PCTP: variants seen among roughly 807,000 people sequenced by gnomAD.
The protein encoded by PCTP is phosphatidylcholine transfer protein.
A neutral mutation model predicts 31.0 loss-of-function variants in PCTP; 27 were observed. The ratio of observed to expected loss-of-function variants is 0.87; its 90% CI spans 0.64 to 1.20. PCTP has a LOEUF of 1.20. PCTP is among the 50% of genes most tolerant of loss of function. The pLI is 0.00. For synonymous variants in PCTP, 108 were observed against 101.2 expected (o/e 1.07, Z -0.40); for missense variants, 287 against 268.2 (o/e 1.07, Z -0.49).
Position 55,776,843 on chromosome 17 carries a change from C to T in PCTP, c.*743C>T. 9.9e-7 allele frequency: 1 copy of T among 1,008,440 alleles called. No homozygotes were observed. The highest frequency in any genetic ancestry group is 4.7e-5 in the South Asian group (1 of 21,454). The allele number at this position is 1,008,440 out of a possible 1,614,324, so 62.5% of individuals were successfully genotyped here. The stretch of plus-strand genomic sequence containing the variant: ...GATGATTTCTCTTTTCCATATGTCA[C>T]TGGGGGAAAGGCTGCCTGTACCTCT... On this transcript the variant is annotated 3_prime_UTR_variant, in exon 6 of 6. Coordinates refer to ENST00000268896, the MANE Select transcript of PCTP (RefSeq NM_021213.4).
At chr17:55,802,085 C>T (rs1912403454) in intron 3 of PCTP, among the ~76,000 whole-genome samples, 1 of 152,210 alleles carries the variant, frequency 6.6e-6, no homozygotes, top group African/African-American at 2.4e-5. Context: ...ATACTATAAA[C>T]ACCTCTACAC....
At chr17:55,848,402 A>G in the PCTP span, among the ~76,000 whole-genome samples, 2 of 152,184 alleles carry the variant, frequency 1.3e-5, no homozygotes, top group South Asian at 4.1e-4. Flanking sequence ...GAGGAGGGTA[A>G]TTGGTTGGGT....
At chr17:55,787,992 ACTCT>A (rs1911813813) in intron 3 of PCTP, among the ~76,000 whole-genome samples, 1 of 151,678 alleles carries the variant, frequency 6.6e-6, no homozygotes, top group Admixed American at 6.6e-5. Context: ...TACTGCTTGT[ACTCT>A]CTCTCTATTT....
At chr17:55,842,552 C>A (rs1906016988) in intron 5 of PCTP, 2 of 152,120 alleles carry the variant, frequency 1.3e-5, no homozygotes, top group Admixed American at 6.5e-5. Context: ...AGATCAAGAC[C>A]AGATCTTGAT....
At chr17:55,777,902 C>A (rs548055007), downstream of PCTP, among the ~76,000 whole-genome samples, 5 of 152,182 alleles carry the variant, frequency 3.3e-5, no homozygotes, top group South Asian at 1.0e-3. Context: ...AAGTTGAAAT[C>A]TTATGAATAG....
chr17:55,756,870 G>C (rs1385173598), intron 1 of PCTP, among the ~76,000 whole-genome samples: 1 of 152,134 alleles, frequency 6.6e-6, no homozygotes, highest in Non-Finnish European at 1.5e-5. Context: ...CATTTTCCAG[G>C]AGGAGCCAGG....
At chr17:55,824,306 C>T (rs1183715612), downstream of PCTP, among the ~76,000 whole-genome samples, 1 of 151,838 alleles carries the variant, frequency 6.6e-6, no homozygotes, top group Non-Finnish European at 1.5e-5. Context: ...GTGTAGGTGC[C>T]ACTAACTAGA....
intron 3 of PCTP, among the ~76,000 whole-genome samples, chr17:55,804,692 G>A (rs1438445260): frequency 1.3e-5 from 2 of 151,942 alleles, no homozygotes; most frequent in East Asian, 3.9e-4. Flanking sequence ...GGAGAGGAAC[G>A]TCACACACTG....
At chr17:55,784,873 T>C (rs745966511) in intron 2 of PCTP, among the ~76,000 whole-genome samples, 1 of 152,236 alleles carries the variant, frequency 6.6e-6, no homozygotes, top group Non-Finnish European at 1.5e-5. Flanking sequence ...CCTCCTTGAC[T>C]TATTCCTCTC....
downstream of PCTP, among the ~76,000 whole-genome samples, chr17:55,845,887 G>GGTGT (rs34179575): frequency 0.061 from 8,746 of 142,966 alleles, 357 homozygotes; most frequent in East Asian, 0.16. Context: ...AGAGGGTTGG[G>GGTGT]GTGTGTGTGT....
At position 55,777,193 on chromosome 17, in the gene PCTP, T is replaced by G. The variant is rs1383583571; in HGVS notation, c.*1093T>G. On this transcript the variant is annotated 3_prime_UTR_variant, in exon 6 of 6. Coordinates refer to ENST00000268896, the MANE Select transcript of PCTP (RefSeq NM_021213.4). ...TATTTCTATGTCAAAGGCACAGCCTTGATGATCTCAGGGAAAAATTTTAAT... is the reference window on the plus strand; with the variant it reads ...TATTTCTATGTCAAAGGCACAGCCTGGATGATCTCAGGGAAAAATTTTAAT... The G allele has an allele frequency of 1.0e-6, 1 of 985,360 alleles. No homozygotes were observed. The highest frequency in any genetic ancestry group is 6.1e-5 in the Admixed American group (1 of 16,268). 61.0% of individuals were successfully genotyped at this position (985,360 alleles called of 1,614,324 possible). A position where few individuals can be genotyped will look rare whatever the true frequency, so the allele number is the denominator to read the frequency against.
chr17:55,805,708 C>T (rs1042149783), intron 3 of PCTP, among the ~76,000 whole-genome samples: 1 of 152,088 alleles, frequency 6.6e-6, no homozygotes, highest in Admixed American at 6.6e-5. Flanking sequence ...CAGATCTACA[C>T]AATACCATTT....
chr17:55,839,386 C>T (rs1460000996), intron 5 of PCTP, among the ~76,000 whole-genome samples: 1 of 152,200 alleles, frequency 6.6e-6, no homozygotes, highest in Non-Finnish European at 1.5e-5. Context: ...GGGGAGGCTT[C>T]TGCCCACCAA....
intron 5 of PCTP, among the ~76,000 whole-genome samples, chr17:55,829,802 G>A (rs1221981839): frequency 6.6e-6 from 1 of 152,016 alleles, no homozygotes; most frequent in Non-Finnish European, 1.5e-5. Flanking sequence ...GGTGGCTTGT[G>A]TTTCCATGTT....
At chr17:55,795,947 C>T (rs1290574970) in intron 3 of PCTP, among the ~76,000 whole-genome samples, 3 of 151,920 alleles carry the variant, frequency 2.0e-5, no homozygotes, top group African/African-American at 7.2e-5. Flanking sequence ...AATATATGCT[C>T]TATTAAAGGT....
chr17:55,811,862 C>T (rs1912763838), intron 3 of PCTP, among the ~76,000 whole-genome samples: 2 of 152,176 alleles, frequency 1.3e-5, no homozygotes, highest in South Asian at 2.1e-4. Flanking sequence ...CCTAGAGGAG[C>T]GTGGGATGCC....
At chr17:55,802,975 C>T (rs760951658) in intron 3 of PCTP, among the ~76,000 whole-genome samples, 23 of 152,054 alleles carry the variant, frequency 1.5e-4, no homozygotes, top group Non-Finnish European at 3.1e-4. Context: ...GTCTCAGCCC[C>T]AAATCTCCTT....
At chr17:55,831,608 A>G (rs1350857633) in intron 5 of PCTP, among the ~76,000 whole-genome samples, 1 of 152,208 alleles carries the variant, frequency 6.6e-6, no homozygotes, top group Non-Finnish European at 1.5e-5. Context: ...ATAACTTCAG[A>G]AAATGTTGTG....
intron 4 of PCTP, 63 bp from the exon 5 acceptor site, chr17:55,774,729 T>G: frequency 2.9e-5 from 37 of 1,255,990 alleles, no homozygotes; most frequent in Non-Finnish European, 3.9e-5. Context: ...TTTGCACAGT[T>G]TTGTTGCTAT....
Sources: gnomAD v4.1 joint callset for allele counts (sites outside exome capture counted in the v4.1 genomes callset) on GRCh38, gnomAD v4.1.1 for gene constraint, MANE v1.5 for transcripts, NCBI Gene and HGNC (gene_info 2026-07-23, HGNC 2026-07-21) for gene names.